The following IL36G variants were observed in gnomAD, a reference collection of about 807,000 sequenced individuals.
IL36G encodes the protein interleukin 36 gamma, also known as interleukin-36 gamma.
A neutral mutation model predicts 13.5 loss-of-function variants in IL36G; 10 were observed. The ratio of observed to expected loss-of-function variants is 0.74; its 90% confidence interval spans 0.46 to 1.26. The LOEUF (loss-of-function observed/expected upper bound fraction) is 1.26, where lower values mean the gene tolerates loss of function less well. Ranked by LOEUF, IL36G falls within the 50% of genes most tolerant of loss-of-function variation. IL36G has a pLI of 0.00. For missense variants in IL36G, 199 were observed against 203.0 expected (o/e 0.98, Z 0.12); for synonymous variants, 84 against 74.0 (o/e 1.13, Z -0.69).
At chr2:112,981,339 C>A in intron 4 of IL36G, 1 of 800,996 alleles carries the variant, frequency 1.2e-6, no homozygotes, top group East Asian at 2.4e-5. Flanking sequence ...TTTGGAGGAG[C>A]AGGTTTAGCA....
At chr2:112,984,055 C>T (rs1212343454) in intron 4 of IL36G, among the ~76,000 whole-genome samples, 1 of 152,052 alleles carries the variant, frequency 6.6e-6, no homozygotes, top group African/African-American at 2.4e-5. Flanking sequence ...ATAATGACTC[C>T]TAGGTTTCTG....
At position 112,978,659 on chromosome 2, in the gene IL36G, C is replaced by A. The variant is rs571391180; in HGVS notation, c.21C>A (p.Asp7Glu). 8 of 1,613,998 alleles carry A rather than the reference C, an allele frequency of 5.0e-6. No individual in the cohort carries two copies. In the African/African-American group the frequency reaches 1.1e-4, roughly 22 times the overall value. Residue 7 changes from aspartate (D) to glutamate (E), a missense_variant, in exon 2 of 5, where the codon GAC (aspartate) becomes GAA (glutamate). Transcript: ENST00000259205. MRGTPGDADGGGRAVYQ... is the reference protein window; with the variant it reads MRGTPGEADGGGRAVYQ... ...ACACTATGAGAGGCACTCCAGGAGACGCTGATGGTGGAGGAAGGGCCGTCT... is the reference window on the plus strand; with the variant it reads ...ACACTATGAGAGGCACTCCAGGAGAAGCTGATGGTGGAGGAAGGGCCGTCT...
intron 4 of IL36G, among the ~76,000 whole-genome samples, chr2:112,984,299 G>T (rs1402982791): frequency 3.9e-5 from 6 of 152,144 alleles, no homozygotes; most frequent in African/African-American, 1.2e-4. Flanking sequence ...CAATATAGAA[G>T]GCATTTTTTG....
chr2:112,978,507 G>A (rs1684203868), intron 1 of IL36G, 113 bp from the exon 2 acceptor site: 1 of 811,428 alleles, frequency 1.2e-6, no homozygotes, highest in Admixed American at 2.0e-5. Flanking sequence ...AGAGCTTCGT[G>A]TCAGGCCAGG....
intron 1 of IL36G, 105 bp from the exon 2 acceptor site, chr2:112,978,515 A>T: frequency 5.7e-6 from 5 of 880,686 alleles, no homozygotes; most frequent in Non-Finnish European, 9.4e-6. Flanking sequence ...GTGTCAGGCC[A>T]GGTTTCCCAG....
At chr2:112,982,841 G>A (rs939471935) in intron 4 of IL36G, among the ~76,000 whole-genome samples, 2 of 152,148 alleles carry the variant, frequency 1.3e-5, no homozygotes, top group Admixed American at 6.5e-5. Context: ...GATGGAGTAA[G>A]TTTAAAGGGA....
At chr2:112,978,263 C>T (rs1684200516) in intron 1 of IL36G, among the ~76,000 whole-genome samples, 185 bp downstream of exon 1, 12 of 152,216 alleles carry the variant, frequency 7.9e-5, no homozygotes, top group Admixed American at 7.8e-4. Context: ...GGACCCTCCC[C>T]TGCTCCTAGG....
At chr2:112,981,433 A>C in intron 4 of IL36G, 1 of 694,708 alleles carries the variant, frequency 1.4e-6, no homozygotes, top group East Asian at 2.6e-5. Flanking sequence ...TCTCCTGGGC[A>C]TGGTGGTGGC....
At chr2:112,984,699 ATG>A in intron 4 of IL36G, 139 bp from the exon 5 acceptor site, 1 of 686,004 alleles carries the variant, frequency 1.5e-6, no homozygotes, top group East Asian at 2.6e-5. Flanking sequence ...CTCCTTCAAA[ATG>A]TGTGTTTCTC....
Position 112,979,323 on chromosome 2 carries a change from C to A in IL36G, c.158C>A (p.Pro53Gln). Residue 53 changes from proline to glutamine, a missense_variant and splice_region_variant, in exon 3 of 5, where the codon CCA (proline) becomes CAA (glutamine). Coordinates refer to ENST00000259205, the MANE Select transcript of IL36G (RefSeq NM_019618.4). Reference sequence around the variant, plus strand: ...GTTCCACGAAGTGACAGTGTGACCCCAGGTGAGTGGTCACCCTGTGCCTTC... The same window carrying A: ...GTTCCACGAAGTGACAGTGTGACCCAAGGTGAGTGGTCACCCTGTGCCTTC... ...VAVPRSDSVT[P>Q]VTVAVITCKY... The A allele has an allele frequency of 6.3e-7, 1 of 1,588,604 alleles. No homozygotes were observed. Among genetic ancestry groups the A allele is most frequent in the Non-Finnish European group, 8.6e-7 (1 of 1,156,738 alleles).
chr2:112,979,704 A>T (rs535207762), intron 3 of IL36G, among the ~76,000 whole-genome samples: 20 of 152,324 alleles, frequency 1.3e-4, no homozygotes, highest in Admixed American at 1.2e-3. Flanking sequence ...CAAGAATCAG[A>T]GGGGCTGCTT....
intron 4 of IL36G, among the ~76,000 whole-genome samples, chr2:112,984,142 G>A (rs1461056060): frequency 2.6e-5 from 4 of 152,210 alleles, no homozygotes; most frequent in Non-Finnish European, 4.4e-5. Flanking sequence ...TTCTCACTCA[G>A]GGTGGAATGT....
At chr2:112,984,709 C>T in intron 4 of IL36G, 131 bp from the exon 5 acceptor site, 1 of 741,892 alleles carries the variant, frequency 1.3e-6, no homozygotes, top group Non-Finnish European at 2.3e-6. Flanking sequence ...ATGTGTGTTT[C>T]TCTAGGCCTG....
At position 112,984,868 on chromosome 2, in the gene IL36G, A is replaced by G. The variant is rs770920773; in HGVS notation, c.329A>G (p.Gln110Arg). The G allele has an allele frequency of 1.1e-5, 17 of 1,614,188 alleles. No homozygotes were observed. The highest frequency in any genetic ancestry group is 1.4e-5 in the Non-Finnish European group (17 of 1,180,030). ...CAGAAGATCATGGATCTGTATGGCCAACCCGAGCCCGTGAAACCCTTCCTT... is the reference window on the plus strand; with the variant it reads ...CAGAAGATCATGGATCTGTATGGCCGACCCGAGCCCGTGAAACCCTTCCTT... ...KEQKIMDLYG[Q>R]PEPVKPFLFY... Residue 110 changes from glutamine to arginine, a missense_variant, in exon 5 of 5, where the codon CAA (glutamine) becomes CGA (arginine). Transcript: ENST00000259205.
Position 112,978,713 on chromosome 2 carries a change from G to A in IL36G, c.55+20G>A. ...AATCAAGTGAATCAAATGCTGTTGG[G>A]ATGGGGCTCTGGAGGCTTAGGCCCT... On this transcript the variant is annotated intron_variant, in intron 2 of 4. Transcript: ENST00000259205. The A allele has an allele frequency of 2.5e-6, 4 of 1,613,354 alleles. 1 individual carries two copies. The South Asian group carries it at 3.3e-5, about 13-fold the overall frequency.
At chr2:112,982,897 TG>T (rs1684289314) in intron 4 of IL36G, among the ~76,000 whole-genome samples, 1 of 152,176 alleles carries the variant, frequency 6.6e-6, no homozygotes, top group Non-Finnish European at 1.5e-5. Context: ...GGACAGCGAT[TG>T]CAGGAAGTTT....
chr2:112,978,765 G>A lies in IL36G; in HGVS notation c.55+72G>A. The A allele has an allele frequency of 8.3e-6, 12 of 1,444,290 alleles. No homozygotes were observed. In the South Asian group the frequency reaches 1.0e-4, roughly 12 times the overall value. The allele number at this position is 1,444,290 out of a possible 1,614,324, so 89.5% of individuals were successfully genotyped here. Reference sequence around the variant, plus strand: ...TGCACTCACGCTATCTCCTGTGGAAGCCCCAGCCTTCTCTGCTCCTCTCTG... The same window carrying A: ...TGCACTCACGCTATCTCCTGTGGAAACCCCAGCCTTCTCTGCTCCTCTCTG... On this transcript the variant is annotated intron_variant, in intron 2 of 4. Coordinates refer to ENST00000259205, the MANE Select transcript of IL36G (RefSeq NM_019618.4).
intron 2 of IL36G, 106 bp downstream of exon 2, chr2:112,978,799 C>T: frequency 9.0e-7 from 1 of 1,115,458 alleles, no homozygotes; most frequent in Non-Finnish European, 1.3e-6. Flanking sequence ...TGTACACTGC[C>T]CTTCCCACCT....
At chr2:112,984,701 G>A (rs1374136673) in intron 4 of IL36G, 139 bp from the exon 5 acceptor site, 6 of 690,758 alleles carry the variant, frequency 8.7e-6, no homozygotes, top group Non-Finnish European at 1.5e-5. Context: ...CCTTCAAAAT[G>A]TGTGTTTCTC....
Sources: gnomAD v4.1 joint callset for allele counts (sites outside exome capture counted in the v4.1 genomes callset) on GRCh38, gnomAD v4.1.1 for gene constraint, MANE v1.5 for transcripts, NCBI Gene and HGNC (gene_info 2026-07-23, HGNC 2026-07-21) for gene names.